SPAG16: variants seen among roughly 807,000 people sequenced by gnomAD.
SPAG16 encodes the protein sperm-associated antigen 16 protein.
In SPAG16, 86 loss-of-function variants were observed where a neutral mutation model predicts 80.4. The observed-to-expected ratio is 1.07, with a 90% CI of 0.90 to 1.28. The LOEUF is 1.28. Among genes scored for constraint, SPAG16 ranks in the 50% most tolerant of loss-of-function variants. SPAG16 has a pLI of 0.00. For synonymous variants in SPAG16, 294 were observed against 265.9 expected (o/e 1.11, Z -1.03); for missense variants, 870 against 765.3 (o/e 1.14, Z -1.61).
chr2:213,595,079 T>C, intron 10 of SPAG16, among the ~76,000 whole-genome samples: 1 of 151,870 alleles, frequency 6.6e-6, no homozygotes, highest in East Asian at 1.9e-4. Context: ...ATTCAATAGG[T>C]ATACTAGATA....
chr2:213,756,786 GAAAGT>G (rs2068362159), intron 10 of SPAG16, among the ~76,000 whole-genome samples: 8 of 151,948 alleles, frequency 5.3e-5, no homozygotes, highest in Admixed American at 5.2e-4. Context: ...TTTATATGAA[GAAAGT>G]AAAGCTTTGA....
chr2:214,095,055 A>G (rs1021646425), intron 13 of SPAG16, among the ~76,000 whole-genome samples: 4 of 151,974 alleles, frequency 2.6e-5, no homozygotes, highest in African/African-American at 7.3e-5. Context: ...TCAGGGTTGG[A>G]GTGTGGGGAG....
At chr2:214,203,862 C>T (rs894158898) in intron 15 of SPAG16, among the ~76,000 whole-genome samples, 1 of 152,180 alleles carries the variant, frequency 6.6e-6, no homozygotes, top group Non-Finnish European at 1.5e-5. Flanking sequence ...AGCACAGAAG[C>T]TGTGGCAGGT....
intron 10 of SPAG16, among the ~76,000 whole-genome samples, chr2:213,614,045 C>CT (rs1359489434): frequency 6.6e-6 from 1 of 152,204 alleles, no homozygotes; most frequent in Non-Finnish European, 1.5e-5. Flanking sequence ...TCCCATCCTC[C>CT]TGTTGTGTTG....
At chr2:214,377,358 A>T (rs181935473) in intron 15 of SPAG16, among the ~76,000 whole-genome samples, 1 of 152,286 alleles carries the variant, frequency 6.6e-6, no homozygotes, top group East Asian at 1.9e-4. Flanking sequence ...TTATGAGAAA[A>T]AAGTTGAATT....
intron 12 of SPAG16, among the ~76,000 whole-genome samples, chr2:213,970,383 C>T (rs529173347): frequency 1.7e-4 from 26 of 151,810 alleles, no homozygotes; most frequent in Admixed American, 3.9e-4. Context: ...CTTGCTGCAA[C>T]GTCTGCCTCC....
intron 11 of SPAG16, among the ~76,000 whole-genome samples, chr2:213,887,078 A>G (rs1306358810): frequency 6.6e-6 from 1 of 152,106 alleles, no homozygotes; most frequent in Non-Finnish European, 1.5e-5. Flanking sequence ...AGTTGTAAAT[A>G]TAGTACAGAG....
chr2:213,422,608 G>T, intron 9 of SPAG16: 4 of 353,300 alleles, frequency 1.1e-5, no homozygotes, highest in Non-Finnish European at 1.0e-5. Flanking sequence ...GGCTGGAAAA[G>T]TGACACCCTA....
chr2:214,360,978 T>A (rs908372046), intron 15 of SPAG16, among the ~76,000 whole-genome samples: 1 of 151,844 alleles, frequency 6.6e-6, no homozygotes, highest in Non-Finnish European at 1.5e-5. Flanking sequence ...GGGACAAGGT[T>A]CATCTGGACT....
At chr2:213,534,119 C>G (rs2076162675) in intron 10 of SPAG16, among the ~76,000 whole-genome samples, 1 of 152,040 alleles carries the variant, frequency 6.6e-6, no homozygotes, top group Admixed American at 6.6e-5. Flanking sequence ...CCTGATCATT[C>G]CTTTAGCACA....
chr2:213,364,131 G>A lies in SPAG16; in HGVS notation c.818G>A (p.Gly273Asp), dbSNP rs949126170. 4 of 1,516,152 alleles carry A rather than the reference G, an allele frequency of 2.6e-6. No individual in the cohort carries two copies. The highest frequency in any genetic ancestry group is 3.5e-6 in the Non-Finnish European group (4 of 1,133,778). The allele number at this position is 1,516,152 out of a possible 1,614,324, so 93.9% of individuals were successfully genotyped here. Reference sequence around the variant, plus strand: ...CTGCAAAGAGGACATAGTTACCATGGTCCTCAAATTAAAGGTAAATGTAAA... The same window carrying A: ...CTGCAAAGAGGACATAGTTACCATGATCCTCAAATTAAAGGTAAATGTAAA... Reference protein sequence around the residue: ...KKLQRGHSYHGPQIKVDHSRE... With the variant: ...KKLQRGHSYHDPQIKVDHSRE... The change falls in exon 8 of 16, where the codon GGT becomes GAT. Residue 273 changes from glycine to aspartate, a missense_variant. Physicochemically the swap from Gly to Asp is moderately conservative, Grantham distance 94. Transcript: ENST00000331683.
At chr2:214,094,365 TC>T (rs1272614035) in intron 13 of SPAG16, among the ~76,000 whole-genome samples, 1 of 152,126 alleles carries the variant, frequency 6.6e-6, no homozygotes, top group African/African-American at 2.4e-5. Flanking sequence ...GATCATTTTT[TC>T]CCAAAGTACA....
At chr2:213,844,724 A>G (rs1430967868) in intron 10 of SPAG16, among the ~76,000 whole-genome samples, 1 of 152,238 alleles carries the variant, frequency 6.6e-6, no homozygotes. Flanking sequence ...AAATATTCAT[A>G]GTTATAGCCA....
chr2:213,800,532 T>A (rs2071331617), intron 10 of SPAG16, among the ~76,000 whole-genome samples: 1 of 152,120 alleles, frequency 6.6e-6, no homozygotes, highest in Admixed American at 6.5e-5. Context: ...CATGCTCGTT[T>A]GTTTTGATTT....
chr2:213,870,784 C>G (rs1335855791), intron 11 of SPAG16, among the ~76,000 whole-genome samples: 1 of 152,112 alleles, frequency 6.6e-6, no homozygotes, highest in African/African-American at 2.4e-5. Context: ...AGTATTGCCT[C>G]TAAGTCTATT....
At chr2:213,877,258 A>G (rs903143865) in intron 11 of SPAG16, among the ~76,000 whole-genome samples, 1 of 152,052 alleles carries the variant, frequency 6.6e-6, no homozygotes, top group Non-Finnish European at 1.5e-5. Flanking sequence ...AATTTCCCAG[A>G]TAAGTTTTTC....
intron 5 of SPAG16, among the ~76,000 whole-genome samples, chr2:213,329,318 T>C (rs367793551): frequency 1.3e-4 from 20 of 152,308 alleles, no homozygotes; most frequent in African/African-American, 3.4e-4. Context: ...TAGAGACTTG[T>C]TGAATGGCGT....
chr2:213,776,716 T>A (rs2069601519), intron 10 of SPAG16, among the ~76,000 whole-genome samples: 1 of 152,080 alleles, frequency 6.6e-6, no homozygotes, highest in Non-Finnish European at 1.5e-5. Flanking sequence ...AGACATTGAC[T>A]TTTTTACAGA....
At chr2:214,115,279 C>A (rs542898143) in intron 14 of SPAG16, among the ~76,000 whole-genome samples, 1 of 152,124 alleles carries the variant, frequency 6.6e-6, no homozygotes, top group Admixed American at 6.5e-5. Context: ...GGCATTGAGA[C>A]ACAGTTCATA....
Sources: allele counts gnomAD v4.1 joint callset (sites outside exome capture counted in the v4.1 genomes callset), GRCh38; gene constraint gnomAD v4.1.1; transcripts MANE v1.5; gene names NCBI Gene and HGNC (gene_info 2026-07-23, HGNC 2026-07-21).